The following ZSCAN32 variants were observed in gnomAD, a reference collection of about 807,000 sequenced individuals.
The protein encoded by ZSCAN32 is zinc finger and SCAN domain-containing protein 32.
In ZSCAN32, 52 loss-of-function variants were observed where a neutral mutation model predicts 47.4. That is an observed-to-expected ratio of 1.10 (90% CI 0.88 to 1.38). ZSCAN32 has a LOEUF of 1.38. Ranked by LOEUF, ZSCAN32 falls within the 40% of genes most tolerant of loss-of-function variation. ZSCAN32 has a pLI of 0.00. For synonymous variants in ZSCAN32, 346 were observed against 305.7 expected (o/e 1.13, Z -1.38); for missense variants, 959 against 846.0 (o/e 1.13, Z -1.66).
intron 3 of ZSCAN32, among the ~76,000 whole-genome samples, chr16:3,393,225 TATAAA>T (rs2032991727): frequency 4.0e-5 from 1 of 24,902 alleles, no homozygotes; most frequent in African/African-American, 3.5e-4. Flanking sequence ...TATATATATA[TATAAA>T]TTTATATATT....
intron 5 of ZSCAN32, among the ~76,000 whole-genome samples, chr16:3,386,294 G>A (rs1284705657): frequency 6.6e-6 from 1 of 152,152 alleles, no homozygotes; most frequent in Non-Finnish European, 1.5e-5. Context: ...GGAAACAACA[G>A]GTGCTGGAGA....
intron 2 of ZSCAN32, among the ~76,000 whole-genome samples, chr16:3,396,194 A>C (rs1489339567): frequency 6.6e-6 from 1 of 152,156 alleles, no homozygotes; most frequent in African/African-American, 2.4e-5. Context: ...CTCTCCATTC[A>C]ATCTTACTTA....
chr16:3,393,256 T>TATATATA (rs1195714476), intron 3 of ZSCAN32, among the ~76,000 whole-genome samples: 4 of 13,862 alleles, frequency 2.9e-4, no homozygotes, highest in African/African-American at 4.4e-4. Flanking sequence ...TATATATATA[T>TATATATA]TTTTTGTTTT....
intron 3 of ZSCAN32, among the ~76,000 whole-genome samples, chr16:3,391,208 G>A (rs2032652495): frequency 6.6e-6 from 1 of 152,212 alleles, no homozygotes; most frequent in East Asian, 1.9e-4. Context: ...GGAAGAGCGG[G>A]AGCCTAGCCT....
At position 3,390,476 on chromosome 16, in the gene ZSCAN32, T is replaced by G; in HGVS notation, c.574A>C (p.Thr192Pro). The change falls in exon 4 of 7, where the codon ACA (threonine) becomes CCA (proline). Residue 192 changes from threonine (T) to proline (P), a missense_variant. By Grantham distance (38) the Thr-to-Pro change is conservative. Coordinates refer to ENST00000396852, the MANE Select transcript of ZSCAN32 (RefSeq NM_001284527.2). ...CCTGTCTCCTGGTCGTGGAGACCTG[T>G]GTTTTGAGGCAGGTTCCTGGGAGCC... Reference protein sequence around the residue: ...PQAPRNLPQNTGLHDQETGAV... With the variant: ...PQAPRNLPQNPGLHDQETGAV... 6.5e-7 allele frequency: 1 copy of G among 1,549,654 alleles called. No homozygotes were observed. The highest frequency in any genetic ancestry group is 8.7e-7 in the Non-Finnish European group (1 of 1,146,926).
intron 6 of ZSCAN32, 108 bp downstream of exon 6, chr16:3,384,351 G>C: frequency 6.9e-7 from 1 of 1,445,800 alleles, no homozygotes; most frequent in South Asian, 1.3e-5. Flanking sequence ...CACACATCAA[G>C]ATGATGATGA....
intron 1 of ZSCAN32, among the ~76,000 whole-genome samples, chr16:3,398,331 T>G (rs1262243234): frequency 6.6e-6 from 1 of 151,570 alleles, no homozygotes; most frequent in African/African-American, 2.4e-5. Flanking sequence ...AAAATCGCAC[T>G]CAGCACACAA....
intron 1 of ZSCAN32, among the ~76,000 whole-genome samples, chr16:3,398,340 A>G (rs2033570916): frequency 6.6e-6 from 1 of 151,938 alleles, no homozygotes; most frequent in African/African-American, 2.4e-5. Context: ...CTCAGCACAC[A>G]AAAACCGTTT....
chr16:3,399,486 C>T (rs1014771124), intron 1 of ZSCAN32, among the ~76,000 whole-genome samples: 3 of 152,176 alleles, frequency 2.0e-5, no homozygotes, highest in Non-Finnish European at 4.4e-5. Context: ...ACAATATACT[C>T]AAGTCTTGAC....
chr16:3,398,438 C>T (rs745753241), intron 1 of ZSCAN32, among the ~76,000 whole-genome samples: 8 of 152,186 alleles, frequency 5.3e-5, no homozygotes, highest in Non-Finnish European at 8.8e-5. Flanking sequence ...TCTGAATTTC[C>T]GGGGAGGCTG....
intron 1 of ZSCAN32, among the ~76,000 whole-genome samples, chr16:3,398,215 G>A (rs1376573528): frequency 1.3e-5 from 2 of 152,098 alleles, no homozygotes; most frequent in African/African-American, 2.4e-5. Context: ...ATAACATCAC[G>A]ATTGTAGAAC....
intron 3 of ZSCAN32, among the ~76,000 whole-genome samples, chr16:3,393,203 TA>T (rs2032956579): frequency 4.5e-5 from 1 of 22,330 alleles, no homozygotes; most frequent in African/African-American, 4.0e-4. Context: ...TATATATATT[TA>T]TATTTATATA....
Position 3,383,613 on chromosome 16 carries a change from C to A in ZSCAN32, c.1333G>T (p.Val445Phe), listed in dbSNP as rs769475949. 6.2e-7 allele frequency: 1 copy of A among 1,613,564 alleles called. No individual in the cohort carries two copies. Among genetic ancestry groups the A allele is most frequent in the Non-Finnish European group, 8.5e-7 (1 of 1,180,028 alleles). The change falls in exon 7 of 7, where the codon GTT (valine) becomes TTT (phenylalanine). Residue 445 changes from valine (V) to phenylalanine (F), a missense_variant. By Grantham distance (50) the Val-to-Phe change is conservative. Transcript: ENST00000396852. ...TTTTGTAGCTCAGAGTGCCAATAAA[C>A]TCCTCTGGACTTTCTCTGTAAAGCC... Reference protein sequence around the residue: ...NKALQRKSRGVYWHSELQKGL... With the variant: ...NKALQRKSRGFYWHSELQKGL...
rs2031686727 is a variant in ZSCAN32 at position 3,384,478 on chromosome 16, C to T, written c.1215G>A (p.Val405=). 6.2e-7 allele frequency: 1 copy of T among 1,614,072 alleles called. No homozygotes were observed. The highest frequency in any genetic ancestry group is 1.3e-5 in the African/African-American group (1 of 74,934). ...GQEVRKLDLP[V]LFPNRLGFEF... ...TCTTACCAAGTCTGTTTGGGAACAG[C>T]ACTGGCAGGTCTAGTTTCCTGACTT... The change falls in exon 6 of 7, where the codon GTG becomes GTA. Residue 405 remains valine (V), a synonymous_variant. Transcript: ENST00000396852.
intron 1 of ZSCAN32, among the ~76,000 whole-genome samples, chr16:3,400,621 A>C (rs367894915): frequency 6.6e-6 from 1 of 152,216 alleles, no homozygotes; most frequent in East Asian, 1.9e-4. Context: ...TTTATTGAGT[A>C]CTCAGAACGC....
chr16:3,383,241 G>A lies in ZSCAN32; in HGVS notation c.1705C>T (p.Arg569Ter), dbSNP rs765614078. 35 of 1,613,940 alleles carry A rather than the reference G, an allele frequency of 2.2e-5. No individual in the cohort carries two copies. Among genetic ancestry groups the A allele is most frequent in the Non-Finnish European group, 3.0e-5 (35 of 1,179,948 alleles). The change falls in exon 7 of 7, where the codon CGA becomes TGA. Residue 569 changes from arginine (R) to a stop codon, truncating the protein, a stop_gained. Transcript: ENST00000396852. LOFTEE classifies it low-confidence loss of function (END_TRUNC). ...TAGGGCCTCTCCCCTGTGTGAGTTC[G>A]TAGGTGGGCAGTGAGGTTGGAGCGC... is the stretch of plus-strand genomic sequence containing the variant. ...SERSNLTAHL[R>*]THTGERPYQC...
intron 3 of ZSCAN32, among the ~76,000 whole-genome samples, chr16:3,391,290 G>C (rs1301493676): frequency 2.6e-5 from 4 of 152,140 alleles, no homozygotes; most frequent in Non-Finnish European, 4.4e-5. Context: ...ATCACACACA[G>C]AGAACACAGG....
intron 2 of ZSCAN32, among the ~76,000 whole-genome samples, chr16:3,394,687 T>C (rs2033199873): frequency 6.6e-6 from 1 of 152,164 alleles, no homozygotes; most frequent in Non-Finnish European, 1.5e-5. Context: ...CAGACTCCTC[T>C]TTGCAGCCTA....
At chr16:3,386,782 G>A (rs27232) in intron 5 of ZSCAN32, among the ~76,000 whole-genome samples, 39,980 of 151,812 alleles carry the variant, frequency 0.26, 5,383 homozygotes, top group African/African-American at 0.28. Flanking sequence ...CACACACGGA[G>A]GCCTGTTGTG....
Sources: gnomAD v4.1 joint callset for allele counts (sites outside exome capture counted in the v4.1 genomes callset) on GRCh38, gnomAD v4.1.1 for gene constraint, MANE v1.5 for transcripts, NCBI Gene and HGNC (gene_info 2026-07-23, HGNC 2026-07-21) for gene names.